CNTLN: variants seen among roughly 807,000 people sequenced by gnomAD.
The protein encoded by CNTLN is centlein, centrosomal protein.
CNTLN carries 212 observed loss-of-function variants against 180.0 expected under a neutral mutation model. That is an observed-to-expected ratio of 1.18 (90% CI 1.05 to 1.32). The LOEUF (loss-of-function observed/expected upper bound fraction) is 1.32. Ranked by LOEUF, CNTLN falls within the 40% of genes most tolerant of loss-of-function variation. The pLI is 0.00. For missense variants in CNTLN, 2,095 were observed against 1,610.9 expected, an observed-to-expected ratio of 1.30 and a Z score of -5.14; for synonymous variants, 722 against 563.1, an observed-to-expected ratio of 1.28 and a Z score of -3.99.
intron 5 of CNTLN, among the ~76,000 whole-genome samples, chr9:17,242,530 C>T (rs540418962): frequency 1.1e-4 from 16 of 152,176 alleles, no homozygotes; most frequent in African/African-American, 3.6e-4. Flanking sequence ...AGGCTGGTCT[C>T]GAACTCCTGA....
the CNTLN span, among the ~76,000 whole-genome samples, chr9:17,512,283 C>T: frequency 6.6e-6 from 1 of 152,204 alleles, no homozygotes; most frequent in African/African-American, 2.4e-5. Flanking sequence ...CATACCGTAT[C>T]AGTAGCCTTA....
intron 2 of CNTLN, among the ~76,000 whole-genome samples, chr9:17,158,455 T>C (rs976923175): frequency 3.9e-5 from 6 of 152,170 alleles, no homozygotes; most frequent in African/African-American, 1.4e-4. Flanking sequence ...GAATTGGTAT[T>C]AATTCTTTTT....
At chr9:17,168,617 G>A (rs1332462175) in intron 2 of CNTLN, 1 of 152,136 alleles carries the variant, frequency 6.6e-6, no homozygotes, top group African/African-American at 2.4e-5. Flanking sequence ...ATATAAGTTA[G>A]CATAGCAGAT....
At chr9:17,315,776 A>G (rs1221334112) in intron 8 of CNTLN, among the ~76,000 whole-genome samples, 1 of 152,036 alleles carries the variant, frequency 6.6e-6, no homozygotes, top group African/African-American at 2.4e-5. Context: ...GAATTCTTGA[A>G]TAGAATATGT....
chr9:17,413,506 C>G (rs1204800555), intron 16 of CNTLN, among the ~76,000 whole-genome samples: 7 of 152,034 alleles, frequency 4.6e-5, no homozygotes, highest in Non-Finnish European at 1.5e-5. Flanking sequence ...TATTTAAAAA[C>G]CATGTGTCTG....
chr9:17,160,589 T>C (rs1333467381), intron 2 of CNTLN, among the ~76,000 whole-genome samples: 2 of 152,186 alleles, frequency 1.3e-5, no homozygotes, highest in African/African-American at 2.4e-5. Context: ...TCCTCTATCT[T>C]GGTTCTCAGT....
At chr9:17,215,720 G>C (rs530715074) in intron 2 of CNTLN, among the ~76,000 whole-genome samples, 2 of 152,196 alleles carry the variant, frequency 1.3e-5, no homozygotes, top group East Asian at 3.9e-4. Context: ...CTTCTTGGCC[G>C]CTTTGTTTAC....
chr9:17,270,918 A>G (rs1376333050), intron 5 of CNTLN, among the ~76,000 whole-genome samples: 6 of 149,036 alleles, frequency 4.0e-5, no homozygotes, highest in Admixed American at 3.3e-4. Context: ...TTGTATTAAT[A>G]TCAAGGGCAT....
intron 25 of CNTLN, among the ~76,000 whole-genome samples, chr9:17,497,671 T>C (rs963144781): frequency 4.6e-5 from 7 of 152,210 alleles, no homozygotes; most frequent in Non-Finnish European, 7.3e-5. Flanking sequence ...TGTCCATTTT[T>C]AGCAGAACTC....
chr9:17,196,929 A>T lies in CNTLN; in HGVS notation c.450-29274A>T, dbSNP rs999293697. The stretch of plus-strand genomic sequence containing the variant: ...TATTGTTTAGTCACCCTGTTGTGTT[A>T]TCAAATGTTAGATCTTATTCAGTCT... On this transcript the variant is annotated intron_variant, in intron 2 of 25. Coordinates refer to ENST00000380647, the MANE Select transcript of CNTLN (RefSeq NM_017738.4). 3.3e-5 allele frequency among the ~76,000 whole-genome samples: 5 copies of T among 152,256 alleles called. No homozygotes were observed. The South Asian group carries it at 1.0e-3, about 32-fold the overall frequency.
chr9:17,477,754 A>G (rs1832428054), intron 23 of CNTLN, among the ~76,000 whole-genome samples: 2 of 152,214 alleles, frequency 1.3e-5, no homozygotes, highest in Admixed American at 1.3e-4. Flanking sequence ...CTGAGACGAA[A>G]TCTCCTCCTG....
chr9:17,224,752 A>G (rs1008778712), intron 2 of CNTLN, among the ~76,000 whole-genome samples: 9 of 151,872 alleles, frequency 5.9e-5, no homozygotes, highest in Admixed American at 6.6e-5. Flanking sequence ...TTTTAACATT[A>G]GTTATTCTTT....
At chr9:17,381,285 G>A (rs145536348) in intron 13 of CNTLN, among the ~76,000 whole-genome samples, 1,701 of 152,272 alleles carry the variant, frequency 0.011, 35 homozygotes, top group African/African-American at 0.039. Flanking sequence ...AACTCTAGAA[G>A]TACTGGAACT....
At chr9:17,365,527 C>T (rs144633519) in intron 12 of CNTLN, among the ~76,000 whole-genome samples, 1 of 152,206 alleles carries the variant, frequency 6.6e-6, no homozygotes, top group Admixed American at 6.5e-5. Context: ...GTCAAATACT[C>T]ACAATGGTAG....
chr9:17,489,867 A>G (rs753747552), intron 25 of CNTLN, among the ~76,000 whole-genome samples: 2 of 152,146 alleles, frequency 1.3e-5, no homozygotes, highest in Non-Finnish European at 2.9e-5. Flanking sequence ...AGTAATAAGA[A>G]CCACACTGAA....
chr9:17,155,544 C>T (rs900274523), intron 2 of CNTLN, among the ~76,000 whole-genome samples: 19 of 152,194 alleles, frequency 1.2e-4, no homozygotes, highest in Non-Finnish European at 2.9e-5. Flanking sequence ...AACTTCCCAG[C>T]AGCTTTGTTT....
chr9:17,375,686 G>T (rs989517415), intron 13 of CNTLN, among the ~76,000 whole-genome samples: 1 of 151,910 alleles, frequency 6.6e-6, no homozygotes, highest in African/African-American at 2.4e-5. Flanking sequence ...TACATTTTTT[G>T]GGAAATTATT....
intron 12 of CNTLN, among the ~76,000 whole-genome samples, chr9:17,351,494 T>C (rs1022844812): frequency 3.9e-5 from 6 of 152,220 alleles, no homozygotes; most frequent in Non-Finnish European, 7.3e-5. Context: ...TAAATCTTAG[T>C]AAATGGTATT....
intron 25 of CNTLN, among the ~76,000 whole-genome samples, chr9:17,491,917 A>C (rs1379877872): frequency 0.039 from 5,879 of 152,100 alleles, 384 homozygotes; most frequent in African/African-American, 0.13. Flanking sequence ...TACTAGCCTG[A>C]AGGTTAACTG....
Sources: gnomAD v4.1 joint callset for allele counts (sites outside exome capture counted in the v4.1 genomes callset) on GRCh38, gnomAD v4.1.1 for gene constraint, MANE v1.5 for transcripts, NCBI Gene and HGNC (gene_info 2026-07-23, HGNC 2026-07-21) for gene names.